The following DDX60L variants were observed in gnomAD, a reference collection of about 807,000 sequenced individuals.
The protein encoded by DDX60L is probable ATP-dependent RNA helicase DDX60-like.
In DDX60L, 191 loss-of-function variants were observed where a neutral mutation model predicts 211.6. The ratio of observed to expected loss-of-function variants is 0.90; its 90% CI spans 0.80 to 1.02. The LOEUF (loss-of-function observed/expected upper bound fraction) is 1.02. Among genes scored for constraint, DDX60L ranks in the 50% least tolerant of loss-of-function variants. DDX60L has a pLI of 0.00. For synonymous variants in DDX60L, 706 were observed against 694.1 expected (o/e 1.02, Z -0.27); for missense variants, 2,007 against 1,984.1 (o/e 1.01, Z -0.22).
rs757134042 is a variant in DDX60L at position 168,416,708 on chromosome 4, G to A, written c.2700C>T (p.Thr900=). 6.3e-7 allele frequency: 1 copy of A among 1,599,836 alleles called. No homozygotes were observed. Among genetic ancestry groups the A allele is most frequent in the Non-Finnish European group, 8.5e-7 (1 of 1,175,142 alleles). Reference sequence around the variant, plus strand: ...TGGTGAGAAGATTTGGGTTATTTATGGTAGCTGAAAGAACCAAAAAGGGAC... The same window carrying A: ...TGGTGAGAAGATTTGGGTTATTTATAGTAGCTGAAAGAACCAAAAAGGGAC... The part of the protein sequence containing the change: ...IRCPFLVLSA[T]INNPNLLTKW... Residue 900 remains threonine, a synonymous_variant, in exon 20 of 38, where the codon ACC becomes ACT. Coordinates refer to ENST00000682922, the MANE Select transcript of DDX60L (RefSeq NM_001012967.3).
rs777833766 is a variant in DDX60L at position 168,378,334 on chromosome 4, G to T, written c.4485+20C>A. On this transcript the variant is annotated intron_variant, in intron 33 of 37. Coordinates refer to ENST00000682922, the MANE Select transcript of DDX60L (RefSeq NM_001012967.3). ...TAATAACTATCATTATTATATCATT[G>T]TAAGTATAACAAACTTTACCTTTGA... 2 of 1,284,038 alleles carry T rather than the reference G, an allele frequency of 1.6e-6. No homozygotes were observed. Among genetic ancestry groups the T allele is most frequent in the East Asian group, 2.6e-5 (1 of 39,208 alleles). The allele number at this position is 1,284,038 out of a possible 1,614,324, so 79.5% of individuals were successfully genotyped here. A position where few individuals can be genotyped will look rare whatever the true frequency, so the allele number is the denominator to read the frequency against.
intron 1 of DDX60L, among the ~76,000 whole-genome samples, 154 bp from the exon 2 acceptor site, chr4:168,472,963 C>T (rs1235558593): frequency 6.6e-6 from 1 of 152,078 alleles, no homozygotes; most frequent in Non-Finnish European, 1.5e-5. Context: ...ACAAATGTGA[C>T]AAAAGGCACA....
At chr4:168,438,916 T>C (rs969759528) in intron 10 of DDX60L, among the ~76,000 whole-genome samples, 1 of 152,238 alleles carries the variant, frequency 6.6e-6, no homozygotes, top group African/African-American at 2.4e-5. Context: ...TCTTCTTTTA[T>C]CAGTTTACAT....
chr4:168,390,639 G>GC (rs1553995266), intron 29 of DDX60L: 6 of 448,190 alleles, frequency 1.3e-5, no homozygotes, highest in Non-Finnish European at 2.2e-5. Flanking sequence ...ATTATTGTCA[G>GC]TTTTTTTTTT....
chr4:168,422,552 A>C lies in DDX60L; in HGVS notation c.2216T>G (p.Val739Gly), dbSNP rs1484178661. The change falls in exon 16 of 38, where the codon GTC (valine) becomes GGC (glycine). Residue 739 changes from valine (V) to glycine (G), a missense_variant. Val to Gly is a moderately radical substitution (Grantham distance 109). Coordinates refer to ENST00000682922, the MANE Select transcript of DDX60L (RefSeq NM_001012967.3). ...CCATGCGTTGGGAATAAAATCCTGG[A>C]CCCTGGGATCCCGATCTTTTCTTTC... ...RDERKDRDPR[V>G]QDFIPNAWQQ... 6.2e-7 allele frequency: 1 copy of C among 1,612,676 alleles called. No homozygotes were observed. Among genetic ancestry groups the C allele is most frequent in the African/African-American group, 1.3e-5 (1 of 74,966 alleles).
At chr4:168,462,513 T>C (rs909020784) in intron 4 of DDX60L, among the ~76,000 whole-genome samples, 2 of 152,112 alleles carry the variant, frequency 1.3e-5, no homozygotes, top group Admixed American at 1.3e-4. Context: ...AACAGACACT[T>C]TTCAAAAGAA....
intron 37 of DDX60L, among the ~76,000 whole-genome samples, chr4:168,359,555 G>A (rs1445293828): frequency 6.6e-6 from 1 of 151,880 alleles, no homozygotes; most frequent in Non-Finnish European, 1.5e-5. Flanking sequence ...CTCTCACCTG[G>A]AATATGGGTA....
At chr4:168,397,614 G>A (rs1175625769) in intron 26 of DDX60L, among the ~76,000 whole-genome samples, 2 of 152,188 alleles carry the variant, frequency 1.3e-5, no homozygotes, top group South Asian at 2.1e-4. Flanking sequence ...ATGGTGGAGA[G>A]CAATTCATGT....
chr4:168,369,978 T>C (rs1398956080), intron 36 of DDX60L, among the ~76,000 whole-genome samples: 1 of 152,194 alleles, frequency 6.6e-6, no homozygotes. Flanking sequence ...GGTAGGATTA[T>C]AAATGAGTAT....
Position 168,357,291 on chromosome 4 carries a change from A to G in DDX60L, c.*856T>C, listed in dbSNP as rs1202345994. On this transcript the variant is annotated 3_prime_UTR_variant, in exon 38 of 38. Coordinates refer to ENST00000682922, the MANE Select transcript of DDX60L (RefSeq NM_001012967.3). Reference sequence around the variant, plus strand: ...TCAGCATGTTCTGCTTTCAACAGGAAAGTGGTTTATAACTACTCCAAGTGA... The same window carrying G: ...TCAGCATGTTCTGCTTTCAACAGGAGAGTGGTTTATAACTACTCCAAGTGA... The G allele has an allele frequency of 6.6e-6, 1 of 152,234 alleles. No individual in the cohort carries two copies. Among genetic ancestry groups the G allele is most frequent in the Admixed American group, 6.5e-5 (1 of 15,274 alleles). 9.4% of individuals were successfully genotyped at this position (152,234 alleles called of 1,614,324 possible).
At chr4:168,445,607 G>C (rs1267529707) in intron 9 of DDX60L, among the ~76,000 whole-genome samples, 2 of 152,042 alleles carry the variant, frequency 1.3e-5, no homozygotes, top group Non-Finnish European at 2.9e-5. Flanking sequence ...TATCCTTGAT[G>C]AACATTGATG....
intron 22 of DDX60L, among the ~76,000 whole-genome samples, chr4:168,414,573 G>A (rs1261074348): frequency 1.3e-5 from 2 of 151,868 alleles, no homozygotes; most frequent in African/African-American, 2.4e-5. Flanking sequence ...TTATTGCAGC[G>A]CCATTCACAA....
intron 9 of DDX60L, 37 bp downstream of exon 9, chr4:168,448,601 G>A: frequency 7.0e-7 from 1 of 1,429,106 alleles, no homozygotes; most frequent in Non-Finnish European, 9.5e-7. Flanking sequence ...TATATAATTT[G>A]TTCATGATAT....
chr4:168,447,022 T>C lies in DDX60L; in HGVS notation c.1138+1616A>G, dbSNP rs1754921581. Among the ~76,000 whole-genome samples the C allele has an allele frequency of 6.2e-5, 8 of 129,080 alleles. No individual in the cohort carries two copies. The South Asian group carries it at 2.0e-3, about 33-fold the overall frequency. The allele number at this position is 129,080 out of a possible 152,430, so 84.7% of individuals were successfully genotyped here. ...AAAGCAATGGCAACAAAAGCCAAAA[T>C]TGGCAAATGGGATCTAATTAAACTA... On this transcript the variant is annotated intron_variant, in intron 9 of 37. Transcript: ENST00000682922.
At chr4:168,435,939 G>T (rs1480335531) in intron 10 of DDX60L, among the ~76,000 whole-genome samples, 2 of 152,164 alleles carry the variant, frequency 1.3e-5, no homozygotes, top group Non-Finnish European at 2.9e-5. Context: ...GGTGGAAAAT[G>T]AACGGAACAA....
chr4:168,426,370 C>T (rs1751450251), intron 14 of DDX60L, among the ~76,000 whole-genome samples: 1 of 152,190 alleles, frequency 6.6e-6, no homozygotes, highest in African/African-American at 2.4e-5. Context: ...CCTTGTGCTC[C>T]ATGGCGGAGA....
chr4:168,423,889 A>G (rs942449566), intron 14 of DDX60L, 115 bp from the exon 15 acceptor site: 8 of 628,086 alleles, frequency 1.3e-5, no homozygotes, highest in African/African-American at 1.2e-4. Flanking sequence ...TCACTATTTT[A>G]CTTGACTTTA....
intron 13 of DDX60L, 62 bp from the exon 14 acceptor site, chr4:168,427,384 AG>A: frequency 6.5e-7 from 1 of 1,544,128 alleles, no homozygotes; most frequent in South Asian, 1.2e-5. Context: ...ACATTTCACT[AG>A]TGAGATTATT....
chr4:168,433,189 A>C (rs1479530446), intron 10 of DDX60L, 74 bp from the exon 11 acceptor site: 7 of 978,600 alleles, frequency 7.2e-6, no homozygotes, highest in Non-Finnish European at 1.1e-5. Flanking sequence ...ATTATTTTTA[A>C]AATTTCAAAT....
Sources: allele counts gnomAD v4.1 joint callset (sites outside exome capture counted in the v4.1 genomes callset), GRCh38; gene constraint gnomAD v4.1.1; transcripts MANE v1.5; gene names NCBI Gene and HGNC (gene_info 2026-07-23, HGNC 2026-07-21).